NPAS3: variants seen among roughly 807,000 people sequenced by gnomAD.
NPAS3 encodes the protein neuronal PAS domain protein 3.
In NPAS3, 14 loss-of-function variants were observed where a neutral mutation model predicts 73.1. The observed-to-expected ratio is 0.19, with a 90% CI of 0.13 to 0.30. NPAS3 has a LOEUF of 0.30. Among genes scored for constraint, NPAS3 ranks in the 10% least tolerant of loss-of-function variants. The pLI is 1.00. For synonymous variants in NPAS3, 620 were observed against 541.5 expected, an observed-to-expected ratio of 1.14 and a Z score of -2.01; for missense variants, 1,096 against 1,250.0, an observed-to-expected ratio of 0.88 and a Z score of 1.86.
At chr14:33,133,824 A>G (rs2043730289) in intron 2 of NPAS3, among the ~76,000 whole-genome samples, 1 of 152,178 alleles carries the variant, frequency 6.6e-6, no homozygotes, top group Non-Finnish European at 1.5e-5. Flanking sequence ...TGTCCAAGGA[A>G]GGGGAGAAGC....
rs1407301015 is a variant in NPAS3, at chr14:33,074,708, G to A, written c.140+18714G>A. Among the ~76,000 whole-genome samples, 3 of 152,130 alleles carry A rather than the reference G, an allele frequency of 2.0e-5. No individual in the cohort carries two copies. The East Asian group carries it at 5.8e-4, about 29-fold the overall frequency. On this transcript the variant is annotated intron_variant, in intron 2 of 11. Coordinates refer to ENST00000356141, the Ensembl canonical transcript of NPAS3. The stretch of plus-strand genomic sequence containing the variant: ...CTGGGATTACAGGTGTGAGCCACGC[G>A]CTCGGCCAACACTTTCTTTCTTAAA...
In NPAS3 at chr14:33,412,212, A is replaced by T. The variant is rs1846809; in HGVS notation, c.468+44944A>T. 2.4e-4 allele frequency among the ~76,000 whole-genome samples: 36 copies of T among 152,026 alleles called. No homozygotes were observed. In the East Asian group the frequency reaches 3.1e-3, roughly 13 times the overall value. ...CAGCTTATTGCAACCTCCACCTCCC[A>T]GGCTCAAGCAATTCTTCTACATCAG... On this transcript the variant is annotated intron_variant, in intron 4 of 11. Transcript: ENST00000356141.
At chr14:33,580,800 A>AC (rs199853362) in intron 5 of NPAS3, among the ~76,000 whole-genome samples, 4,120 of 130,228 alleles carry the variant, frequency 0.032, 108 homozygotes, top group Non-Finnish European at 0.04. Flanking sequence ...CCTCCACCGC[A>AC]CCCCCCTACC....
chr14:33,446,411 A>G (rs377471904), intron 4 of NPAS3, among the ~76,000 whole-genome samples: 13 of 151,492 alleles, frequency 8.6e-5, no homozygotes, highest in South Asian at 8.4e-4. Context: ...TCCTGACCTC[A>G]TGATCCACCC....
intron 7 of NPAS3, 22 bp from the exon 8 acceptor site, chr14:33,774,315 T>G: frequency 6.2e-7 from 1 of 1,601,130 alleles, no homozygotes; most frequent in Non-Finnish European, 8.5e-7. Context: ...ACTGGTGTCC[T>G]GTACTTAATG....
chr14:33,376,458 G>A (rs1195768535), intron 4 of NPAS3, among the ~76,000 whole-genome samples: 3 of 151,992 alleles, frequency 2.0e-5, no homozygotes, highest in African/African-American at 7.3e-5. Flanking sequence ...CCAGAGGTGA[G>A]CCAGAACAAG....
intron 5 of NPAS3, among the ~76,000 whole-genome samples, chr14:33,598,916 G>A (rs528540538): frequency 6.6e-6 from 1 of 152,206 alleles, no homozygotes; most frequent in Non-Finnish European, 1.5e-5. Context: ...ACATTTTATA[G>A]TTTGGCTTTA....
At chr14:33,199,188 A>G (rs923989839) in intron 2 of NPAS3, among the ~76,000 whole-genome samples, 3 of 152,170 alleles carry the variant, frequency 2.0e-5, no homozygotes, top group Non-Finnish European at 4.4e-5. Context: ...AGGGGTTCCC[A>G]CAGTGCAGAT....
Position 33,572,693 on chromosome 14 carries a change from G to A in NPAS3, c.558+12483G>A, listed in dbSNP as rs527624391. ...CGTTTTATGTGTTAAGAGAAACTGA[G>A]ACATGGTACAATTAAGCATCCTGCT... On this transcript the variant is annotated intron_variant, in intron 5 of 11. Coordinates refer to ENST00000356141, the Ensembl canonical transcript of NPAS3. Among the ~76,000 whole-genome samples the A allele has an allele frequency of 7.2e-5, 11 of 152,262 alleles. No homozygotes were observed. In the East Asian group the frequency reaches 1.9e-3, roughly 27 times the overall value.
intron 1 of NPAS3, among the ~76,000 whole-genome samples, chr14:32,981,602 T>C (rs779584060): frequency 1.2e-4 from 18 of 152,240 alleles, no homozygotes; most frequent in Non-Finnish European, 2.2e-4. Flanking sequence ...TTCTTTTGAT[T>C]AGAAAAATAC....
At chr14:33,177,659 A>G (rs986851825) in intron 2 of NPAS3, among the ~76,000 whole-genome samples, 15 of 152,144 alleles carry the variant, frequency 9.9e-5, no homozygotes, top group Non-Finnish European at 1.3e-4. Flanking sequence ...GCATTGATCC[A>G]TTTTACATTC....
At chr14:33,723,152 A>G (rs2061164028) in intron 6 of NPAS3, among the ~76,000 whole-genome samples, 1 of 152,156 alleles carries the variant, frequency 6.6e-6, no homozygotes, top group South Asian at 2.1e-4. Context: ...ATAATTGCTT[A>G]GTTCTGTAGT....
intron 1 of NPAS3, among the ~76,000 whole-genome samples, chr14:33,035,336 T>A (rs541944271): frequency 1.3e-5 from 2 of 152,274 alleles, no homozygotes; most frequent in Admixed American, 1.3e-4. Context: ...GGCTAGGACT[T>A]GCCTTTGGAG....
At chr14:33,283,812 C>T (rs1055535342) in intron 3 of NPAS3, among the ~76,000 whole-genome samples, 8 of 152,128 alleles carry the variant, frequency 5.3e-5, no homozygotes, top group African/African-American at 1.9e-4. Flanking sequence ...ATCAGATTTT[C>T]TTTCTCTGAG....
chr14:33,664,628 G>A (rs774881640), intron 5 of NPAS3, among the ~76,000 whole-genome samples: 1 of 152,096 alleles, frequency 6.6e-6, no homozygotes, highest in Non-Finnish European at 1.5e-5. Context: ...CTGACAAAGG[G>A]CTAATATCCA....
At chr14:33,404,038 G>A (rs2047558296) in intron 4 of NPAS3, among the ~76,000 whole-genome samples, 1 of 152,176 alleles carries the variant, frequency 6.6e-6, no homozygotes, top group Non-Finnish European at 1.5e-5. Context: ...GTGATGCACA[G>A]CGTCCTTTCA....
At chr14:33,718,804 G>T (rs1207180738) in intron 6 of NPAS3, among the ~76,000 whole-genome samples, 1 of 152,136 alleles carries the variant, frequency 6.6e-6, no homozygotes, top group South Asian at 2.1e-4. Flanking sequence ...GGGAATGGTT[G>T]TTGAGGAGAT....
intron 2 of NPAS3, among the ~76,000 whole-genome samples, chr14:33,066,558 C>T (rs1317910445): frequency 2.0e-5 from 3 of 152,104 alleles, no homozygotes; most frequent in African/African-American, 7.2e-5. Flanking sequence ...TTACAAGAGT[C>T]TGGTGGCAAG....
rs1294631203 is a variant in NPAS3 at position 33,680,535 on chromosome 14, T to C, written c.733+4150T>C. On this transcript the variant is annotated intron_variant, in intron 6 of 11. Coordinates refer to ENST00000356141, the Ensembl canonical transcript of NPAS3. ...CTTTCTAAAATAAGATTGTAATGCA[T>C]ATACTTCTGGTAACTAGCTTTTTCA... The C allele has an allele frequency of 2.4e-5, 17 of 699,866 alleles. No individual in the cohort carries two copies. In the East Asian group the frequency reaches 4.6e-4, roughly 19 times the overall value. The allele number at this position is 699,866 out of a possible 1,614,324, so 43.4% of individuals were successfully genotyped here.
Sources: gnomAD v4.1 joint callset for allele counts (sites outside exome capture counted in the v4.1 genomes callset) on GRCh38, gnomAD v4.1.1 for gene constraint, MANE v1.5 for transcripts, NCBI Gene and HGNC (gene_info 2026-07-23, HGNC 2026-07-21) for gene names.